WNT2: variants seen among roughly 807,000 people sequenced by gnomAD.
WNT2 encodes the protein protein Wnt-2.
In WNT2, 12 loss-of-function variants were observed where a neutral mutation model predicts 36.9. The ratio of observed to expected loss-of-function variants is 0.33; its 90% CI spans 0.21 to 0.53. The LOEUF is 0.53. Ranked by LOEUF, WNT2 falls within the 20% of genes least tolerant of loss-of-function variation. The pLI is 0.95. For missense variants in WNT2, 379 were observed against 473.1 expected, an observed-to-expected ratio of 0.80 and a Z score of 1.84; for synonymous variants, 163 against 174.6, an observed-to-expected ratio of 0.93 and a Z score of 0.52.
chr7:117,293,508 A>G (rs1213470253), intron 4 of WNT2, among the ~76,000 whole-genome samples: 1 of 152,248 alleles, frequency 6.6e-6, no homozygotes, highest in Non-Finnish European at 1.5e-5. Flanking sequence ...CAAAATAACC[A>G]CAACGAAGTA....
chr7:117,285,726 G>A (rs1794567012), intron 4 of WNT2, among the ~76,000 whole-genome samples: 1 of 152,168 alleles, frequency 6.6e-6, no homozygotes, highest in Admixed American at 6.5e-5. Context: ...TAACATGTTT[G>A]TTCTACAAAA....
chr7:117,297,837 C>T lies in WNT2; in HGVS notation c.628G>A (p.Gly210Arg), dbSNP rs199687912. ...CTGAGAGTACATGAGCCGCTCACCC[C>T]GTGGCACTTGCACTCTTGTTTCAAG... ...RFLKQECKCH[G>R]VSGSCTLRTC... Residue 210 changes from glycine (G) to arginine (R), a missense_variant, in exon 4 of 5, where the codon GGG (glycine) becomes AGG (arginine). By Grantham distance (125) the Gly-to-Arg change is moderately radical. Transcript: ENST00000265441. 1.9e-6 allele frequency: 3 copies of T among 1,613,930 alleles called. No homozygotes were observed. Among genetic ancestry groups the T allele is most frequent in the Admixed American group, 1.7e-5 (1 of 60,020 alleles).
At chr7:117,321,217 C>A (rs764741542) in intron 1 of WNT2, among the ~76,000 whole-genome samples, 2 of 152,172 alleles carry the variant, frequency 1.3e-5, no homozygotes, top group African/African-American at 2.4e-5. Flanking sequence ...GGGAAGCTGA[C>A]CTTAGAAGCT....
intron 1 of WNT2, among the ~76,000 whole-genome samples, chr7:117,321,166 C>A (rs954252492): frequency 8.5e-5 from 13 of 152,162 alleles, no homozygotes; most frequent in Admixed American, 1.3e-4. Context: ...CTCAAGAAGG[C>A]TCAGATCTCA....
At chr7:117,318,933 C>A (rs767516797) in intron 2 of WNT2, among the ~76,000 whole-genome samples, 3 of 152,110 alleles carry the variant, frequency 2.0e-5, no homozygotes, top group Non-Finnish European at 2.9e-5. Flanking sequence ...TCTTTAGGAT[C>A]ACTGGTCAAT....
intron 2 of WNT2, 141 bp downstream of exon 2, chr7:117,320,426 G>C (rs1263121860): frequency 4.9e-6 from 4 of 811,134 alleles, no homozygotes; most frequent in Non-Finnish European, 8.0e-6. Context: ...CTCACCTGTA[G>C]AACAGGGACA....
intron 4 of WNT2, among the ~76,000 whole-genome samples, chr7:117,287,763 A>G (rs543075569): frequency 3.6e-4 from 55 of 152,208 alleles, no homozygotes; most frequent in African/African-American, 1.2e-3. Flanking sequence ...CAAGGTGGGC[A>G]GATCACTTGA....
intron 3 of WNT2, among the ~76,000 whole-genome samples, chr7:117,300,606 C>T (rs1794886011): frequency 6.6e-6 from 1 of 152,130 alleles, no homozygotes; most frequent in African/African-American, 2.4e-5. Context: ...TCAAGAACAG[C>T]CTGGGCATCA....
intron 3 of WNT2, among the ~76,000 whole-genome samples, chr7:117,311,750 A>G (rs551956230): frequency 6.6e-6 from 1 of 152,282 alleles, no homozygotes; most frequent in East Asian, 1.9e-4. Context: ...CACAAAAGGG[A>G]AAGGAACTTT....
rs777174398 is a variant in WNT2, at chr7:117,320,603, T to C, written c.274A>G (p.Arg92Gly). The change falls in exon 2 of 5, where the codon AGG becomes GGG. Residue 92 changes from arginine (R) to glycine (G), a missense_variant. Arg to Gly is a moderately radical substitution (Grantham distance 125). Coordinates refer to ENST00000265441, the MANE Select transcript of WNT2 (RefSeq NM_003391.3). ...QHRWNCNTLD[R>G]DHSLFGRVLL... Reference sequence around the variant, plus strand: ...ACCCTGCCAAAAAGGCTGTGATCCCTGTCCAGGGTGTTGCAATTCCAGCGG... The same window carrying C: ...ACCCTGCCAAAAAGGCTGTGATCCCCGTCCAGGGTGTTGCAATTCCAGCGG... 1.9e-6 allele frequency: 3 copies of C among 1,613,936 alleles called. No homozygotes were observed. The highest frequency in any genetic ancestry group is 2.2e-5 in the South Asian group (2 of 90,938).
chr7:117,310,843 C>A (rs996111447), intron 3 of WNT2, among the ~76,000 whole-genome samples: 2 of 152,182 alleles, frequency 1.3e-5, no homozygotes, highest in African/African-American at 4.8e-5. Flanking sequence ...TATGATACAA[C>A]CATTATCTCC....
chr7:117,298,836 C>T (rs1181669875), intron 3 of WNT2, among the ~76,000 whole-genome samples: 1 of 152,202 alleles, frequency 6.6e-6, no homozygotes, highest in Non-Finnish European at 1.5e-5. Context: ...TGATCTACTG[C>T]TCTTCCCATT....
chr7:117,291,960 A>C (rs1343638115), intron 4 of WNT2, among the ~76,000 whole-genome samples: 1 of 151,862 alleles, frequency 6.6e-6, no homozygotes, highest in African/African-American at 2.4e-5. Context: ...TATTTTTAGT[A>C]GAGATGGGGT....
intron 3 of WNT2, among the ~76,000 whole-genome samples, chr7:117,308,016 G>A (rs949155677): frequency 2.0e-5 from 3 of 152,154 alleles, no homozygotes; most frequent in Admixed American, 1.3e-4. Context: ...GTTTTCCTGA[G>A]GGAAACTCTC....
Position 117,278,402 on chromosome 7 carries a change from G to T in WNT2, c.854-18C>A, listed in dbSNP as rs369270440. 11 of 1,604,502 alleles carry T rather than the reference G, an allele frequency of 6.9e-6. No homozygotes were observed. Among genetic ancestry groups the T allele is most frequent in the Middle Eastern group, 1.7e-4 (1 of 6,058 alleles). ...CAGGGAGCCTGGAAGACAAGCCAGG[G>T]AGTGTTACTGAAAAGGTCTGGGTGG... On this transcript the variant is annotated intron_variant, in intron 4 of 4. Coordinates refer to ENST00000265441, the MANE Select transcript of WNT2 (RefSeq NM_003391.3).
intron 3 of WNT2, among the ~76,000 whole-genome samples, chr7:117,310,909 C>T (rs1051395214): frequency 2.0e-5 from 3 of 152,202 alleles, no homozygotes; most frequent in Admixed American, 2.0e-4. Context: ...CATTGCCTGC[C>T]TTGCAATTGT....
chr7:117,300,641 A>C (rs1477365865), intron 3 of WNT2, among the ~76,000 whole-genome samples: 1 of 152,146 alleles, frequency 6.6e-6, no homozygotes, highest in African/African-American at 2.4e-5. Context: ...TTCTACAAAA[A>C]AAGAAAAAAC....
At position 117,276,405 on chromosome 7, in the gene WNT2, C is replaced by T. The variant is rs567848101; in HGVS notation, c.*1750G>A. Among the ~76,000 whole-genome samples, 5 of 152,326 alleles carry T rather than the reference C, an allele frequency of 3.3e-5. No individual in the cohort carries two copies. In the East Asian group the frequency reaches 9.6e-4, roughly 29 times the overall value. On this transcript the variant is annotated 3_prime_UTR_variant, in exon 5 of 5. Transcript: ENST00000265441. ...CAAGCTCAGAGCAGCTACTGTCATTCCACTGTTCCCACCATCCGAATCCAT... is the reference window on the plus strand; with the variant it reads ...CAAGCTCAGAGCAGCTACTGTCATTTCACTGTTCCCACCATCCGAATCCAT...
intron 2 of WNT2, among the ~76,000 whole-genome samples, chr7:117,318,867 T>G (rs567682010): frequency 6.6e-6 from 1 of 152,350 alleles, no homozygotes; most frequent in Non-Finnish European, 1.5e-5. Flanking sequence ...AATAATAGTG[T>G]CAAGATTAAG....
Sources: allele counts gnomAD v4.1 joint callset (sites outside exome capture counted in the v4.1 genomes callset), GRCh38; gene constraint gnomAD v4.1.1; transcripts MANE v1.5; gene names NCBI Gene and HGNC (gene_info 2026-07-23, HGNC 2026-07-21).